The following PLCZ1 variants were observed in gnomAD, a reference collection of about 807,000 sequenced individuals.
PLCZ1 encodes phospholipase C zeta 1, also known as 1-phosphatidylinositol 4,5-bisphosphate phosphodiesterase zeta-1.
Under a neutral mutation model 76.8 loss-of-function variants are expected in PLCZ1, and 64 were observed. That is an observed-to-expected ratio of 0.83 (90% CI 0.68 to 1.03). The LOEUF (loss-of-function observed/expected upper bound fraction) is 1.03. PLCZ1 is among the 50% of genes least tolerant of loss of function. The pLI is 0.00. For missense variants in PLCZ1, 751 were observed against 713.7 expected (o/e 1.05, Z -0.60); for synonymous variants, 248 against 230.8 (o/e 1.07, Z -0.68).
intron 4 of PLCZ1, among the ~76,000 whole-genome samples, chr12:18,721,512 C>T (rs535947856): frequency 4.6e-5 from 7 of 151,968 alleles, no homozygotes; most frequent in African/African-American, 1.4e-4. Flanking sequence ...GTGTCACTGC[C>T]TCCATCCCAA....
the PLCZ1 span, among the ~76,000 whole-genome samples, chr12:18,664,265 G>C: frequency 3.6e-4 from 55 of 152,142 alleles, no homozygotes; most frequent in South Asian, 6.2e-4. Flanking sequence ...TACAATTCCA[G>C]TTCTGAATAT....
chr12:18,727,657 G>A (rs994159595), intron 3 of PLCZ1, among the ~76,000 whole-genome samples: 7 of 152,216 alleles, frequency 4.6e-5, no homozygotes, highest in African/African-American at 1.2e-4. Context: ...AGGGTTCCTC[G>A]GAAGCCACAG....
chr12:18,677,055 C>T, the PLCZ1 span, among the ~76,000 whole-genome samples: 1 of 151,870 alleles, frequency 6.6e-6, no homozygotes, highest in African/African-American at 2.4e-5. Flanking sequence ...TGATTCTTTC[C>T]CAAAAGGAAA....
At chr12:18,682,596 AAATT>A (rs1182325321), downstream of PLCZ1, among the ~76,000 whole-genome samples, 1 of 152,050 alleles carries the variant, frequency 6.6e-6, no homozygotes, top group Non-Finnish European at 1.5e-5. Flanking sequence ...GAAACATTGC[AAATT>A]AATTTAAGAT....
Position 18,684,051 on chromosome 12 carries a change from G to A in PLCZ1, c.1741+79C>T. ...ATCCTACTTTATGATAGAGCTATTT[G>A]GTATGTCAAAATGTGTCTTTGATAT... is the stretch of plus-strand genomic sequence containing the variant. On this transcript the variant is annotated intron_variant, in intron 14 of 14. Transcript: ENST00000266505. The A allele has an allele frequency of 9.5e-6, 14 of 1,468,856 alleles. No individual in the cohort carries two copies. In the South Asian group the frequency reaches 1.5e-4, roughly 16 times the overall value. 91.0% of individuals were successfully genotyped at this position (1,468,856 alleles called of 1,614,324 possible).
intron 6 of PLCZ1, among the ~76,000 whole-genome samples, chr12:18,711,693 G>A (rs1345086547): frequency 6.6e-6 from 1 of 151,930 alleles, no homozygotes; most frequent in Non-Finnish European, 1.5e-5. Context: ...GAAGATCGTG[G>A]CGAGAGCAGG....
At chr12:18,700,031 T>C in intron 9 of PLCZ1, 81 bp from the exon 10 acceptor site, 1 of 1,115,208 alleles carries the variant, frequency 9.0e-7, no homozygotes, top group Non-Finnish European at 1.3e-6. Flanking sequence ...AAAATACACT[T>C]TCAAACAAAT....
Position 18,736,215 on chromosome 12 carries a change from T to C in PLCZ1, c.135+6A>G, listed in dbSNP as rs12300257. 0.23 allele frequency: 371,724 copies of C among 1,609,358 alleles called. 44,028 individuals are homozygous for C. Among genetic ancestry groups the C allele is most frequent in the East Asian group, 0.33 (14,765 of 44,634 alleles). On this transcript the variant is annotated splice_donor_region_variant and intron_variant, in intron 3 of 14. Transcript: ENST00000266505. ...TAGGATAGGCAGGGGGTGGATGTCA[T>C]CTTACCTTAAAAATCTGTTTCACAT...
At chr12:18,719,150 G>T (rs1958284043) in intron 5 of PLCZ1, among the ~76,000 whole-genome samples, 1 of 152,124 alleles carries the variant, frequency 6.6e-6, no homozygotes, top group African/African-American at 2.4e-5. Context: ...AAGTGTCTAG[G>T]TTATTCAGCA....
At chr12:18,684,000 G>T in intron 14 of PLCZ1, 130 bp downstream of exon 14, 1 of 1,092,656 alleles carries the variant, frequency 9.2e-7, no homozygotes, top group Non-Finnish European at 1.3e-6. Flanking sequence ...GAAAAAATAT[G>T]TGTCAATACA....
chr12:18,733,480 C>T, intron 3 of PLCZ1, among the ~76,000 whole-genome samples: 1 of 152,056 alleles, frequency 6.6e-6, no homozygotes, highest in East Asian at 1.9e-4. Context: ...TATTTTTAGA[C>T]AAGTTTTTGT....
rs997310439 is a variant in PLCZ1, at chr12:18,705,204, T to C, written c.826A>G (p.Met276Val). Residue 276 changes from methionine to valine, a missense_variant, in exon 7 of 15, where the codon ATG becomes GTG. Coordinates refer to ENST00000266505, the MANE Select transcript of PLCZ1 (RefSeq NM_033123.4). ...AGAGTATCAGGAAAATCATCAAGCA[T>C]ATCAGAAAGCAAGGACTCTCCAAAA... Reference protein sequence around the residue: ...ATFGESLLSDMLDDFPDTLPS... With the variant: ...ATFGESLLSDVLDDFPDTLPS... 3 of 1,613,932 alleles carry C rather than the reference T, an allele frequency of 1.9e-6. No individual in the cohort carries two copies. Among genetic ancestry groups the C allele is most frequent in the Non-Finnish European group, 2.5e-6 (3 of 1,179,998 alleles).
At chr12:18,715,664 T>G (rs1957902738) in intron 5 of PLCZ1, 1 of 152,144 alleles carries the variant, frequency 6.6e-6, no homozygotes, top group Admixed American at 6.6e-5. Context: ...TTTGTTTTTG[T>G]TTTTTTGTTG....
intron 4 of PLCZ1, among the ~76,000 whole-genome samples, chr12:18,721,717 A>C (rs1479557786): frequency 1.2e-5 from 1 of 82,896 alleles, no homozygotes; most frequent in Non-Finnish European, 2.4e-5. Flanking sequence ...CTTGCTATTA[A>C]AAAAAAAAAA....
the PLCZ1 span, among the ~76,000 whole-genome samples, chr12:18,668,076 T>C: frequency 6.6e-6 from 1 of 152,228 alleles, no homozygotes; most frequent in Non-Finnish European, 1.5e-5. Flanking sequence ...CCACTTAGCG[T>C]AATTATACTA....
At chr12:18,695,188 A>G (rs918179262) in intron 11 of PLCZ1, 109 bp from the exon 12 acceptor site, 2 of 1,087,660 alleles carry the variant, frequency 1.8e-6, no homozygotes, top group East Asian at 2.5e-5. Flanking sequence ...CAAATGTTCT[A>G]TGAGCAAGTA....
At chr12:18,671,378 C>T in the PLCZ1 span, among the ~76,000 whole-genome samples, 1 of 151,800 alleles carries the variant, frequency 6.6e-6, no homozygotes, top group Non-Finnish European at 1.5e-5. Flanking sequence ...GAAACAGACA[C>T]ATGTAGGAGA....
chr12:18,717,638 G>C (rs916815452), intron 5 of PLCZ1, among the ~76,000 whole-genome samples: 1 of 152,026 alleles, frequency 6.6e-6, no homozygotes, highest in Non-Finnish European at 1.5e-5. Context: ...CTTGCATGTT[G>C]CCTCAAACCC....
At chr12:18,728,256 T>C (rs1202437515) in intron 3 of PLCZ1, among the ~76,000 whole-genome samples, 5 of 152,310 alleles carry the variant, frequency 3.3e-5, no homozygotes, top group Non-Finnish European at 7.4e-5. Context: ...ATGTGAGATA[T>C]GAAGAAATTA....
Sources: allele counts gnomAD v4.1 joint callset (sites outside exome capture counted in the v4.1 genomes callset), GRCh38; gene constraint gnomAD v4.1.1; transcripts MANE v1.5; gene names NCBI Gene and HGNC (gene_info 2026-07-23, HGNC 2026-07-21).